The following DGKK variants were observed in gnomAD, a reference collection of about 807,000 sequenced individuals.
DGKK encodes the protein 142 kDa diacylglycerol kinase.
In DGKK, 35 loss-of-function variants were observed where a neutral mutation model predicts 92.2. The observed-to-expected ratio is 0.38, with a 90% CI of 0.29 to 0.50. The LOEUF (loss-of-function observed/expected upper bound fraction) is 0.50, where lower values mean the gene tolerates loss of function less well. Among genes scored for constraint, DGKK ranks in the 20% least tolerant of loss-of-function variants. The probability of loss-of-function intolerance (pLI) is 0.92; values close to 1 mark genes in which losing one functional copy is unlikely to be tolerated. For missense variants in DGKK, 910 were observed against 992.2 expected (o/e 0.92, Z 1.11); for synonymous variants, 368 against 360.6 (o/e 1.02, Z -0.23).
chrX:50,424,234 A>G lies in DGKK; in HGVS notation c.756+14T>C, dbSNP rs1557229454. 4 of 1,200,412 alleles carry G rather than the reference A, an allele frequency of 3.3e-6. No homozygotes were observed. The African/African-American group carries it at 5.3e-5, about 16-fold the overall frequency. ...CCCACCCATTAATCTAGTTGACAAT[A>G]TGCTATACATTACCGCGGGATGGTG... On this transcript the variant is annotated intron_variant, in intron 2 of 27. Coordinates refer to ENST00000611977, the MANE Select transcript of DGKK (RefSeq NM_001013742.4).
At position 50,404,320 on chromosome X, in the gene DGKK, T is replaced by C. The variant is rs1557227010; in HGVS notation, c.943-136A>G. 4.5e-6 allele frequency: 3 copies of C among 669,250 alleles called. No individual in the cohort carries two copies. In the African/African-American group the frequency reaches 6.9e-5, roughly 15 times the overall value. 55.2% of individuals were successfully genotyped at this position (669,250 alleles called of 1,213,427 possible). A position where few individuals can be genotyped will look rare whatever the true frequency, so the allele number is the denominator to read the frequency against. ...AGCGTGTGAAGGGGAAGACTGAAAG[T>C]TGGAGCCAATACCTGGGACCTGGGA... On this transcript the variant is annotated intron_variant, in intron 4 of 27. Transcript: ENST00000611977.
At chrX:50,437,718 T>A (rs1343771) in intron 1 of DGKK, among the ~76,000 whole-genome samples, 19,189 of 109,759 alleles carry the variant, frequency 0.17, 1,661 homozygotes, top group Middle Eastern at 0.3. Context: ...GGAAGAGGAG[T>A]AGGAAATAAA....
chrX:50,444,606 C>T (rs1926243602), intron 1 of DGKK, among the ~76,000 whole-genome samples: 1 of 111,532 alleles, frequency 9.0e-6, no homozygotes, highest in South Asian at 3.8e-4. Flanking sequence ...ATCCATGTTC[C>T]TGCAAAAAAC....
At chrX:50,451,841 T>A (rs1176806495) in intron 1 of DGKK, among the ~76,000 whole-genome samples, 1 of 112,191 alleles carries the variant, frequency 8.9e-6, no homozygotes. Context: ...AGGGGATATA[T>A]GACTCTGATG....
chrX:50,422,597 A>AACACACACACACAC lies in DGKK; in HGVS notation c.757-85_757-72dup, dbSNP rs59226442. 295 of 350,843 alleles carry AACACACACACACAC rather than the reference A, an allele frequency of 8.4e-4. 1 individual carries two copies. The highest frequency in any genetic ancestry group is 7.9e-3 in the African/African-American group (247 of 31,138). The allele number at this position is 350,843 out of a possible 1,213,427, so 28.9% of individuals were successfully genotyped here. ...TGATGCAAAGAGACATTAAAAGGTA[A>AACACACACACACAC]ACACACACACACACACACACACACA... On this transcript the variant is annotated intron_variant, in intron 2 of 27. Transcript: ENST00000611977.
chrX:50,405,478 G>A (rs1925126883), intron 4 of DGKK, among the ~76,000 whole-genome samples: 1 of 110,196 alleles, frequency 9.1e-6, no homozygotes, highest in Non-Finnish European at 1.9e-5. Context: ...GGCATGACAA[G>A]ACTTTAAAAA....
In DGKK at chrX:50,366,745, G is replaced by A. The variant is rs1334042649; in HGVS notation, c.*2195C>T. On this transcript the variant is annotated 3_prime_UTR_variant, in exon 28 of 28. Coordinates refer to ENST00000611977, the MANE Select transcript of DGKK (RefSeq NM_001013742.4). ...ATGCAACTTGGTTCCCACTCTGTGA[G>A]TGTGTGTGCAGGTGTCAATGCATGC... The A allele has an allele frequency of 8.9e-6, 1 of 111,879 alleles. No individual in the cohort carries two copies. The highest frequency in any genetic ancestry group is 1.9e-5 in the Non-Finnish European group (1 of 53,223). The allele number at this position is 111,879 out of a possible 1,213,427, so 9.2% of individuals were successfully genotyped here.
intron 12 of DGKK, among the ~76,000 whole-genome samples, chrX:50,389,059 A>AT (rs1314642942): frequency 2.7e-5 from 3 of 111,418 alleles, no homozygotes; most frequent in Admixed American, 9.5e-5. Context: ...CTACATGTAT[A>AT]TTTTTTCATA....
chrX:50,436,254 C>T (rs1200007172), intron 1 of DGKK, among the ~76,000 whole-genome samples: 6 of 112,072 alleles, frequency 5.4e-5, no homozygotes, highest in African/African-American at 9.7e-5. Flanking sequence ...TGAGTCCTGA[C>T]TATGTGGGAA....
At chrX:50,396,467 T>G (rs1557226139) in intron 8 of DGKK, among the ~76,000 whole-genome samples, 1 of 112,132 alleles carries the variant, frequency 8.9e-6, no homozygotes, top group Non-Finnish European at 1.9e-5. Context: ...AGACAAGAAT[T>G]GAATTAAGAA....
At position 50,370,003 on chromosome X, in the gene DGKK, T is replaced by G. The variant is rs1022546010; in HGVS notation, c.3736+423A>C. On this transcript the variant is annotated intron_variant, in intron 27 of 27. Transcript: ENST00000611977. ...CTTTTGAATCCTACTGATATGTCAA[T>G]AGTGCTTAAGGCCAATTCTGAAGAA... 5.4e-5 allele frequency among the ~76,000 whole-genome samples: 6 copies of G among 112,027 alleles called. No homozygotes were observed. In the Admixed American group the frequency reaches 5.7e-4, roughly 11 times the overall value.
intron 1 of DGKK, among the ~76,000 whole-genome samples, chrX:50,444,958 AT>A (rs1926255598): frequency 9.1e-6 from 1 of 110,121 alleles, no homozygotes; most frequent in Admixed American, 9.7e-5. Context: ...AACATCTGTA[AT>A]TTTTTTACTT....
At chrX:50,426,858 G>A (rs1397482750) in intron 1 of DGKK, among the ~76,000 whole-genome samples, 3 of 111,928 alleles carry the variant, frequency 2.7e-5, no homozygotes, top group African/African-American at 6.5e-5. Flanking sequence ...CTAAATGCTG[G>A]CAAGAATATG....
intron 1 of DGKK, among the ~76,000 whole-genome samples, chrX:50,433,207 A>G (rs184598819): frequency 8.9e-6 from 1 of 112,370 alleles, no homozygotes; most frequent in African/African-American, 3.2e-5. Context: ...GTCTGTGTTC[A>G]TGCCACAAAA....
At chrX:50,449,727 A>G (rs1185088643) in intron 1 of DGKK, among the ~76,000 whole-genome samples, 2 of 111,105 alleles carry the variant, frequency 1.8e-5, no homozygotes, top group Admixed American at 9.6e-5. Context: ...GAGGGCCCCA[A>G]TAGCACCTAC....
intron 1 of DGKK, among the ~76,000 whole-genome samples, chrX:50,443,659 A>C (rs1465926890): frequency 9.1e-6 from 1 of 109,565 alleles, no homozygotes; most frequent in East Asian, 2.9e-4. Flanking sequence ...CATTGGTACA[A>C]TCCATAGAGC....
intron 1 of DGKK, among the ~76,000 whole-genome samples, chrX:50,463,098 A>G (rs920149829): frequency 9.4e-6 from 1 of 106,184 alleles, no homozygotes; most frequent in Non-Finnish European, 1.9e-5. Flanking sequence ...CATCAGGAAT[A>G]ATACGCAATG....
chrX:50,441,423 A>T (rs1926169396), intron 1 of DGKK, among the ~76,000 whole-genome samples: 1 of 111,599 alleles, frequency 9.0e-6, no homozygotes, highest in African/African-American at 3.3e-5. Context: ...ATGAGAGAAG[A>T]TAGTTCTGGA....
intron 25 of DGKK, 91 bp downstream of exon 25, chrX:50,374,880 G>A (rs1279903074): frequency 6.4e-6 from 5 of 783,940 alleles, no homozygotes; most frequent in East Asian, 6.8e-5. Context: ...ATGCTCCCAC[G>A]GGTCTCCAGT....
Sources: allele counts gnomAD v4.1 joint callset (sites outside exome capture counted in the v4.1 genomes callset), GRCh38; gene constraint gnomAD v4.1.1; transcripts MANE v1.5; gene names NCBI Gene and HGNC (gene_info 2026-07-23, HGNC 2026-07-21).